Variants in BAHD1 observed in about 807,000 individuals in gnomAD.
BAHD1 encodes bromo adjacent homology domain-containing 1 protein.
In BAHD1, 20 loss-of-function variants were observed where a neutral mutation model predicts 63.1. That is an observed-to-expected ratio of 0.32 (90% CI 0.22 to 0.46). BAHD1 has a LOEUF of 0.46. Ranked by LOEUF, BAHD1 falls within the 20% of genes least tolerant of loss-of-function variation. BAHD1 has a pLI of 1.00. For synonymous variants in BAHD1, 408 were observed against 426.8 expected, an observed-to-expected ratio of 0.96 and a Z score of 0.54; for missense variants, 939 against 1,071.8, an observed-to-expected ratio of 0.88 and a Z score of 1.73.
At chr15:40,447,142 G>T (rs1229856839) in intron 1 of BAHD1, among the ~76,000 whole-genome samples, 2 of 152,216 alleles carry the variant, frequency 1.3e-5, no homozygotes, top group African/African-American at 4.8e-5. Context: ...TAACAAGTAT[G>T]CCAGAAGGAG....
chr15:40,444,992 CCTT>C (rs1295226174), intron 1 of BAHD1, among the ~76,000 whole-genome samples: 2 of 152,084 alleles, frequency 1.3e-5, no homozygotes, highest in Non-Finnish European at 2.9e-5. Context: ...CTTCTCTCCT[CCTT>C]CTACTGTAGC....
At position 40,458,988 on chromosome 15, in the gene BAHD1, A is replaced by C. The variant is rs746024126; in HGVS notation, c.524A>C (p.Asp175Ala). The C allele has an allele frequency of 6.3e-7, 1 of 1,582,978 alleles. No individual in the cohort carries two copies. The highest frequency in any genetic ancestry group is 1.8e-5 in the Admixed American group (1 of 56,970). Residue 175 changes from aspartate (D) to alanine (A), a missense_variant, in exon 2 of 7, where the codon GAC (aspartate) becomes GCC (alanine). This residue lies in a region of BAHD1 where 797 missense variants were observed against 813.3 expected (regional missense o/e 0.98). Coordinates refer to ENST00000416165, the MANE Select transcript of BAHD1 (RefSeq NM_014952.5). The surrounding 1 kb of genome is among the most constrained non-coding windows in gnomAD (Gnocchi z 4.7). ...TCCAAGAAGCGGCCCCGGCTGGGGG[A>C]CCTTGGAGGAGGAAGTCGGGACCTG... ...SSSKKRPRLGDLGGGSRDLSP... is the reference protein window; with the variant it reads ...SSSKKRPRLGALGGGSRDLSP...
At position 40,461,933 on chromosome 15, in the gene BAHD1, A is replaced by C; in HGVS notation, c.1454A>C (p.Gln485Pro). Reference protein sequence around the residue: ...FAAEGCRSLGQLEFPLPEAGH... With the variant: ...FAAEGCRSLGPLEFPLPEAGH... ...CTAGAAGGCTGCAGATCCCTGGGCCAGTTGGAATTTCCTCTCCCGGAAGCT... is the reference window on the plus strand; with the variant it reads ...CTAGAAGGCTGCAGATCCCTGGGCCCGTTGGAATTTCCTCTCCCGGAAGCT... Residue 485 changes from glutamine to proline, a missense_variant, in exon 3 of 7, where the codon CAG (glutamine) becomes CCG (proline). Around this residue, in one of 5 missense-constraint regions of BAHD1, gnomAD observed 797 missense variants for 813.3 expected, o/e 0.98. Coordinates refer to ENST00000416165, the MANE Select transcript of BAHD1 (RefSeq NM_014952.5). The C allele has an allele frequency of 6.2e-7, 1 of 1,604,592 alleles. No homozygotes were observed. The highest frequency in any genetic ancestry group is 8.5e-7 in the Non-Finnish European group (1 of 1,173,442).
In BAHD1 at chr15:40,462,236, G is replaced by A. The variant is rs143007309; in HGVS notation, c.1757G>A (p.Arg586His). ...CCACGCCCTCGCCGCCGCCGTCGCC[G>A]CCGCACTAATGGCTGGGTACCTGTT... ...QRPRPRRRRR[R>H]RTNGWVPVGA... is the part of the protein sequence containing the mutation. The change falls in exon 3 of 7, where the codon CGC becomes CAC. Residue 586 changes from arginine to histidine, a missense_variant. Physicochemically the swap from Arg to His is conservative, Grantham distance 29. Transcript: ENST00000416165. 49 of 1,611,312 alleles carry A rather than the reference G, an allele frequency of 3.0e-5. No individual in the cohort carries two copies. The highest frequency in any genetic ancestry group is 8.8e-5 in the South Asian group (8 of 90,930).
chr15:40,458,863 G>T lies in BAHD1; in HGVS notation c.399G>T (p.Glu133Asp). 1 of 1,605,758 alleles carries T rather than the reference G, an allele frequency of 6.2e-7. No homozygotes were observed. Among genetic ancestry groups the T allele is most frequent in the South Asian group, 1.1e-5 (1 of 90,254 alleles). ...NAEALNNLLL[E>D]REDTSSLAGT... ...AAGCTCTCAATAACCTGCTGCTGGA[G>T]CGAGAGGACACCAGCAGCCTGGCAG... is the stretch of plus-strand genomic sequence containing the variant. Residue 133 changes from glutamate to aspartate, a missense_variant, in exon 2 of 7, where the codon GAG becomes GAT. Glu to Asp is a conservative substitution (Grantham distance 45, BLOSUM62 2). Around this residue, in one of 5 missense-constraint regions of BAHD1, gnomAD observed 797 missense variants for 813.3 expected, o/e 0.98. Coordinates refer to ENST00000416165, the MANE Select transcript of BAHD1 (RefSeq NM_014952.5). The surrounding 1 kb of genome is among the most constrained non-coding windows in gnomAD (Gnocchi z 4.7).
At position 40,442,498 on chromosome 15, in the gene BAHD1, G is replaced by C. The variant is rs138392639; in HGVS notation, c.-15+1230G>C. Among the ~76,000 whole-genome samples, 35 of 152,298 alleles carry C rather than the reference G, an allele frequency of 2.3e-4. 1 individual carries two copies. The East Asian group carries it at 6.6e-3, about 29-fold the overall frequency. On this transcript the variant is annotated intron_variant, in intron 1 of 6. Coordinates refer to ENST00000416165, the MANE Select transcript of BAHD1 (RefSeq NM_014952.5). Reference sequence around the variant, plus strand: ...ACCGAGGCGACAGACCCAGTGAGCCGCTGTAGAGCCTGTCAAGAATGAGGG... The same window carrying C: ...ACCGAGGCGACAGACCCAGTGAGCCCCTGTAGAGCCTGTCAAGAATGAGGG...
At chr15:40,461,829 T>G (rs1408801751) in intron 2 of BAHD1, 83 bp from the exon 3 acceptor site, 6 of 1,493,106 alleles carry the variant, frequency 4.0e-6, no homozygotes, top group Non-Finnish European at 2.7e-6. Context: ...ACAGTTAGAA[T>G]TAAGACAGGA....
At chr15:40,461,043 G>T (rs567075739) in intron 2 of BAHD1, among the ~76,000 whole-genome samples, 1 of 152,264 alleles carries the variant, frequency 6.6e-6, no homozygotes, top group East Asian at 1.9e-4. Context: ...GCATGTAATT[G>T]AGCACAGACT....
upstream of BAHD1, among the ~76,000 whole-genome samples, chr15:40,437,787 A>T (rs1044158397): frequency 6.6e-6 from 1 of 152,028 alleles, no homozygotes; most frequent in Non-Finnish European, 1.5e-5. Flanking sequence ...GTCTTCGGGG[A>T]CTGCAGCGGG....
At chr15:40,440,394 G>T (rs1893364658), upstream of BAHD1, among the ~76,000 whole-genome samples, 1 of 152,072 alleles carries the variant, frequency 6.6e-6, no homozygotes, top group African/African-American at 2.4e-5. Context: ...GCAGGAAAGG[G>T]GGGTTGTTCT....
chr15:40,455,345 G>C (rs2141508342), intron 1 of BAHD1, among the ~76,000 whole-genome samples: 1 of 152,316 alleles, frequency 6.6e-6, no homozygotes, highest in Non-Finnish European at 1.5e-5. Flanking sequence ...CTGAATGAGA[G>C]GTTAAAGAGC....
chr15:40,437,710 C>T (rs771522597), upstream of BAHD1, among the ~76,000 whole-genome samples: 4 of 152,240 alleles, frequency 2.6e-5, no homozygotes, highest in Non-Finnish European at 4.4e-5. Context: ...ACTGCCACCA[C>T]TGCAGGGACT....
chr15:40,458,615 C>T lies in BAHD1; in HGVS notation c.151C>T (p.Arg51Cys), dbSNP rs757413982. The change falls in exon 2 of 7, where the codon CGC becomes TGC. Residue 51 changes from arginine (R) to cysteine (C), a missense_variant. Physicochemically the swap from Arg to Cys is radical, Grantham distance 180. Around this residue, in one of 5 missense-constraint regions of BAHD1, gnomAD observed 797 missense variants for 813.3 expected, o/e 0.98. Transcript: ENST00000416165. The surrounding 1 kb of genome is among the most constrained non-coding windows in gnomAD (Gnocchi z 4.7). Reference protein sequence around the residue: ...MPESPGHLTGRRKNYPLRKRP... With the variant: ...MPESPGHLTGCRKNYPLRKRP... ...CGAGAGCCCAGGTCACCTCACAGGG[C>T]GCCGCAAGAATTACCCACTTCGTAA... 36 of 1,613,864 alleles carry T rather than the reference C, an allele frequency of 2.2e-5. No homozygotes were observed. In the East Asian group the frequency reaches 4.7e-4, roughly 21 times the overall value.
chr15:40,458,643 G>C lies in BAHD1; in HGVS notation c.179G>C (p.Arg60Pro). 2 of 1,613,848 alleles carry C rather than the reference G, an allele frequency of 1.2e-6. No individual in the cohort carries two copies. The highest frequency in any genetic ancestry group is 1.7e-6 in the Non-Finnish European group (2 of 1,179,900). The change falls in exon 2 of 7, where the codon CGC becomes CCC. Residue 60 changes from arginine to proline, a missense_variant. Arg to Pro is a moderately radical substitution (Grantham distance 103, BLOSUM62 -2). Coordinates refer to ENST00000416165, the MANE Select transcript of BAHD1 (RefSeq NM_014952.5). The surrounding 1 kb of genome is among the most constrained non-coding windows in gnomAD (Gnocchi z 4.7). ...CGCAAGAATTACCCACTTCGTAAGC[G>C]CCCATTGGTTCCTGAGAAGCCCAAG... ...GRRKNYPLRK[R>P]PLVPEKPKAC...
rs1893947856 is a variant in BAHD1, at chr15:40,459,181, C to G, written c.717C>G (p.Pro239=). The G allele has an allele frequency of 6.2e-7, 1 of 1,612,652 alleles. No homozygotes were observed. Among genetic ancestry groups the G allele is most frequent in the South Asian group, 1.1e-5 (1 of 91,032 alleles). The change falls in exon 2 of 7, where the codon CCC becomes CCG. Residue 239 remains proline, a synonymous_variant. Coordinates refer to ENST00000416165, the MANE Select transcript of BAHD1 (RefSeq NM_014952.5). Reference sequence around the variant, plus strand: ...AAGTAGATGGGCGCTCCACTGAGCCCCCAGCACCCAAGGCCCCGAGGCCAA... The same window carrying G: ...AAGTAGATGGGCGCTCCACTGAGCCGCCAGCACCCAAGGCCCCGAGGCCAA... The part of the protein sequence containing the change: ...HAEVDGRSTE[P]PAPKAPRPKW...
chr15:40,465,288 AG>A, intron 5 of BAHD1, 46 bp from the exon 6 acceptor site: 2 of 1,547,998 alleles, frequency 1.3e-6, no homozygotes, highest in Non-Finnish European at 1.8e-6. Flanking sequence ...TCTGGGAATG[AG>A]GTGCTTTCCA....
At chr15:40,442,240 C>T (rs1893424434) in intron 1 of BAHD1, among the ~76,000 whole-genome samples, 1 of 151,772 alleles carries the variant, frequency 6.6e-6, no homozygotes, top group African/African-American at 2.4e-5. Flanking sequence ...GGGAGGGGAG[C>T]GGGTCCGAGG....
intron 3 of BAHD1, among the ~76,000 whole-genome samples, chr15:40,463,616 G>A (rs1371113878): frequency 2.6e-5 from 4 of 152,190 alleles, no homozygotes; most frequent in African/African-American, 9.7e-5. Context: ...CAGCTGTCGG[G>A]TATGGTGGTC....
chr15:40,443,659 C>T (rs1893462238), intron 1 of BAHD1, among the ~76,000 whole-genome samples: 1 of 152,134 alleles, frequency 6.6e-6, no homozygotes, highest in African/African-American at 2.4e-5. Context: ...TTCTTCCTTT[C>T]TGTTGTCCTG....
Sources: allele counts gnomAD v4.1 joint callset (sites outside exome capture counted in the v4.1 genomes callset), GRCh38; gene constraint gnomAD v4.1.1; regional missense constraint gnomAD v4.1.1; non-coding constraint Gnocchi (gnomAD v3.1); transcripts MANE v1.5; gene names NCBI Gene and HGNC (gene_info 2026-07-23, HGNC 2026-07-21).